Variants in BLNK observed in about 807,000 individuals in gnomAD.
BLNK encodes B cell linker, also known as B-cell linker protein.
A neutral mutation model predicts 73.5 loss-of-function variants in BLNK; 29 were observed. The ratio of observed to expected loss-of-function variants is 0.39; its 90% CI spans 0.29 to 0.54. The LOEUF (loss-of-function observed/expected upper bound fraction) is 0.54, where lower values mean the gene tolerates loss of function less well. Ranked by LOEUF, BLNK falls within the 20% of genes least tolerant of loss-of-function variation. The pLI is 0.61. For synonymous variants in BLNK, 176 were observed against 200.8 expected (o/e 0.88, Z 1.04); for missense variants, 460 against 562.8 (o/e 0.82, Z 1.85).
At chr10:96,252,462 T>C (rs1413877867) in intron 1 of BLNK, among the ~76,000 whole-genome samples, 1 of 152,218 alleles carries the variant, frequency 6.6e-6, no homozygotes, top group Non-Finnish European at 1.5e-5. Context: ...CTTTTAGTTG[T>C]GCCCAAGTAA....
chr10:96,250,581 C>A (rs1261875100), intron 1 of BLNK, among the ~76,000 whole-genome samples: 1 of 152,044 alleles, frequency 6.6e-6, no homozygotes, highest in Non-Finnish European at 1.5e-5. Flanking sequence ...AATGCTTAAC[C>A]AGGTTGAGGA....
chr10:96,222,158 C>G (rs1444810245), intron 6 of BLNK, among the ~76,000 whole-genome samples: 1 of 152,204 alleles, frequency 6.6e-6, no homozygotes, highest in Non-Finnish European at 1.5e-5. Context: ...CTCAAAATAA[C>G]AGAGATGAAA....
chr10:96,222,081 A>G (rs1554901247), intron 6 of BLNK, among the ~76,000 whole-genome samples: 2 of 152,224 alleles, frequency 1.3e-5, no homozygotes, highest in African/African-American at 4.8e-5. Flanking sequence ...GGAATCCGAC[A>G]TATATTAAAC....
At chr10:96,207,388 A>ACC (rs1431464036) in intron 10 of BLNK, among the ~76,000 whole-genome samples, 19 of 150,334 alleles carry the variant, frequency 1.3e-4, no homozygotes, top group South Asian at 2.1e-4. Context: ...TGGTCTCATG[A>ACC]CCCCCCCCTT....
intron 5 of BLNK, among the ~76,000 whole-genome samples, chr10:96,224,332 C>A (rs985906485): frequency 3.3e-5 from 5 of 152,218 alleles, no homozygotes; most frequent in Non-Finnish European, 7.3e-5. Context: ...GTGCTCCTGG[C>A]TTTTAAAAAT....
intron 16 of BLNK, among the ~76,000 whole-genome samples, chr10:96,193,676 T>A (rs1438900331): frequency 2.6e-5 from 4 of 152,210 alleles, no homozygotes; most frequent in Admixed American, 2.6e-4. Flanking sequence ...AGTGTATTTG[T>A]GGACAGAAAA....
intron 8 of BLNK, among the ~76,000 whole-genome samples, chr10:96,214,822 G>C (rs1314402001): frequency 6.6e-6 from 1 of 152,086 alleles, no homozygotes; most frequent in Admixed American, 6.5e-5. Context: ...TAAGAGTTTC[G>C]CATTCACATT....
chr10:96,213,431 C>T (rs2083992727), intron 8 of BLNK, among the ~76,000 whole-genome samples: 2 of 152,174 alleles, frequency 1.3e-5, no homozygotes, highest in African/African-American at 4.8e-5. Context: ...AGACTTCCTG[C>T]AAAGGAGAGC....
chr10:96,239,253 T>G (rs1842804615), intron 3 of BLNK: 1 of 398,190 alleles, frequency 2.5e-6, no homozygotes, highest in Non-Finnish European at 4.4e-6. Context: ...AGAGGCTCAC[T>G]TTATCACTGG....
chr10:96,213,337 G>C (rs901837527), intron 8 of BLNK, among the ~76,000 whole-genome samples: 1 of 152,208 alleles, frequency 6.6e-6, no homozygotes, highest in African/African-American at 2.4e-5. Context: ...AGGTCTCCAA[G>C]GAGCTTGCAA....
chr10:96,268,879 G>C (rs1172735494), intron 1 of BLNK, among the ~76,000 whole-genome samples: 2 of 152,128 alleles, frequency 1.3e-5, no homozygotes, highest in African/African-American at 4.8e-5. Flanking sequence ...CTAAGCCTAA[G>C]AGTATAAACA....
chr10:96,239,092 C>T (rs2134069645), intron 3 of BLNK: 2 of 398,602 alleles, frequency 5.0e-6, no homozygotes, highest in African/African-American at 2.1e-5. Context: ...GGCCACACTT[C>T]TGCATTCCAG....
intron 15 of BLNK, 65 bp from the exon 16 acceptor site, chr10:96,197,128 A>C: frequency 7.3e-7 from 1 of 1,375,282 alleles, no homozygotes; most frequent in Non-Finnish European, 1.0e-6. Context: ...CAGGTTCAAA[A>C]AATCATTTTG....
intron 1 of BLNK, among the ~76,000 whole-genome samples, chr10:96,257,934 C>T (rs1843587092): frequency 6.6e-6 from 1 of 152,242 alleles, no homozygotes; most frequent in South Asian, 2.1e-4. Context: ...AAAACATCCT[C>T]CTCTCAGGTC....
intron 3 of BLNK, among the ~76,000 whole-genome samples, chr10:96,237,106 A>G (rs117359119): frequency 2.6e-5 from 4 of 152,160 alleles, no homozygotes; most frequent in African/African-American, 7.2e-5. Context: ...TTAGTTCCCT[A>G]TGGCAGGACT....
chr10:96,216,685 G>C lies in BLNK; in HGVS notation c.575C>G (p.Pro192Arg). The C allele has an allele frequency of 6.2e-7, 1 of 1,614,010 alleles. No homozygotes were observed. Among genetic ancestry groups the C allele is most frequent in the East Asian group, 2.2e-5 (1 of 44,890 alleles). The change falls in exon 7 of 17, where the codon CCC becomes CGC. Residue 192 changes from proline to arginine, a missense_variant. Pro to Arg is a moderately radical substitution (Grantham distance 103, BLOSUM62 -2). This residue lies in a region of BLNK where 233 missense variants were observed against 232.1 expected (regional missense o/e 1.00). Transcript: ENST00000224337. ...VEDNDENYIH[P>R]TESSSPPPEK... ...AGGTGGAGGTGAACTGCTTTCTGTG[G>C]GATGAATATAGTTTTCATCATTATC... is the stretch of plus-strand genomic sequence containing the variant.
chr10:96,227,441 T>TG lies in BLNK; in HGVS notation c.329dup (p.Ala111SerfsTer29). 6.2e-7 allele frequency: 1 copy of TG among 1,614,184 alleles called. No homozygotes were observed. The highest frequency in any genetic ancestry group is 8.5e-7 in the Non-Finnish European group (1 of 1,180,048). ...ACTCGCCTCTGGCGAAGGGCAGGGC[T>TG]GGGTGAACCGGCCTGGTTTCCTGCT... On this transcript the variant is annotated frameshift_variant, in exon 5 of 17. Transcript: ENST00000224337. LOFTEE classifies it high-confidence loss of function.
At chr10:96,227,911 A>G (rs1392310354) in intron 4 of BLNK, among the ~76,000 whole-genome samples, 1 of 152,030 alleles carries the variant, frequency 6.6e-6, no homozygotes, top group Non-Finnish European at 1.5e-5. Context: ...AGAATAACCA[A>G]TGGGTTTTAT....
At chr10:96,195,893 C>T (rs2083453367) in intron 16 of BLNK, among the ~76,000 whole-genome samples, 1 of 152,250 alleles carries the variant, frequency 6.6e-6, no homozygotes, top group African/African-American at 2.4e-5. Context: ...CCTGTAATCA[C>T]TCAACCAAAT....
Sources: allele counts gnomAD v4.1 joint callset (sites outside exome capture counted in the v4.1 genomes callset), GRCh38; gene constraint gnomAD v4.1.1; regional missense constraint gnomAD v4.1.1; transcripts MANE v1.5; gene names NCBI Gene and HGNC (gene_info 2026-07-23, HGNC 2026-07-21).